Variants in SPTAN1 observed in about 807,000 individuals in gnomAD.
SPTAN1 encodes spectrin alpha, non-erythrocytic 1, also known as spectrin alpha chain, non-erythrocytic 1.
SPTAN1 carries 61 observed loss-of-function variants against 331.3 expected under a neutral mutation model. The ratio of observed to expected loss-of-function variants is 0.18; its 90% CI spans 0.15 to 0.23. SPTAN1 has a LOEUF of 0.23. Ranked by LOEUF, SPTAN1 falls within the 10% of genes least tolerant of loss-of-function variation. The probability of loss-of-function intolerance (pLI) is 1.00; values close to 1 mark genes in which losing one functional copy is unlikely to be tolerated. For synonymous variants in SPTAN1, 1,153 were observed against 1,173.9 expected (o/e 0.98, Z 0.36); for missense variants, 2,043 against 3,147.9 (o/e 0.65, Z 8.40).
Position 128,627,786 on chromosome 9 carries a change from A to T in SPTAN1, c.6690-139A>T. Reference sequence around the variant, plus strand: ...CCCAGCCATGACTTGGTGACAGACGATGCAGGGTCTGTGCGTTGGGTACTG... The same window carrying T: ...CCCAGCCATGACTTGGTGACAGACGTTGCAGGGTCTGTGCGTTGGGTACTG... On this transcript the variant is annotated intron_variant, in intron 50 of 56. Transcript: ENST00000372739. This position sits in a 1 kb window ranked among gnomAD's most constrained non-coding sequence, Gnocchi z 4.9. 1 of 1,115,168 alleles carries T rather than the reference A, an allele frequency of 9.0e-7. No individual in the cohort carries two copies. Among genetic ancestry groups the T allele is most frequent in the Non-Finnish European group, 1.4e-6 (1 of 728,062 alleles). The allele number at this position is 1,115,168 out of a possible 1,614,324, so 69.1% of individuals were successfully genotyped here.
chr9:128,583,190 T>C lies in SPTAN1; in HGVS notation c.1920T>C (p.Asp640=), dbSNP rs1852161050. ...AGAAAGCTGGCCAAAAGCTGATTGA[T>C]GTCAACCACTATGCCAAGGATGAAG... The part of the protein sequence containing the change: ...ALEKAGQKLI[D]VNHYAKDEVA... The change falls in exon 15 of 57, where the codon GAT becomes GAC. Residue 640 remains aspartate, a synonymous_variant. Transcript: ENST00000372739. 6.2e-7 allele frequency: 1 copy of C among 1,614,130 alleles called. No individual in the cohort carries two copies. Among genetic ancestry groups the C allele is most frequent in the African/African-American group, 1.3e-5 (1 of 75,048 alleles).
chr9:128,606,950 C>T (rs1269624580), intron 31 of SPTAN1, among the ~76,000 whole-genome samples: 1 of 152,238 alleles, frequency 6.6e-6, no homozygotes, highest in Non-Finnish European at 1.5e-5. Flanking sequence ...TAACTAATCA[C>T]CCCCTCTTCT....
intron 25 of SPTAN1, chr9:128,598,712 G>A: frequency 1.5e-6 from 1 of 652,944 alleles, no homozygotes; most frequent in African/African-American, 1.8e-5. Context: ...GGGGGGTGGG[G>A]GCTTCTGTCT....
rs779393978 is a variant in SPTAN1, at chr9:128,609,247, C to T, written c.4721C>T (p.Ala1574Val). 6.2e-6 allele frequency: 10 copies of T among 1,614,166 alleles called. No homozygotes were observed. Among genetic ancestry groups the T allele is most frequent in the Non-Finnish European group, 7.6e-6 (9 of 1,180,030 alleles). ...TGGATCAGTGAAAAATTGCAAACAG[C>T]GAGTGATGAGTCGTACAAGGATCCC... ...EAWISEKLQT[A>V]SDESYKDPTN... Residue 1574 changes from alanine (A) to valine (V), a missense_variant, in exon 36 of 57, where the codon GCG (alanine) becomes GTG (valine). Physicochemically the swap from Ala to Val is moderately conservative, Grantham distance 64 (BLOSUM62 0). Transcript: ENST00000372739.
intron 54 of SPTAN1, 29 bp from the exon 55 acceptor site, chr9:128,632,543 G>C: frequency 6.2e-7 from 1 of 1,614,142 alleles, no homozygotes; most frequent in South Asian, 1.1e-5. Context: ...AGGGCTGCCT[G>C]CTGAGCCGCC....
chr9:128,600,972 G>GTTTTTTTTTTTTTTTTTTTTT (rs1474161366), intron 27 of SPTAN1, among the ~76,000 whole-genome samples: 1 of 22,228 alleles, frequency 4.5e-5, no homozygotes, highest in African/African-American at 9.7e-5. Flanking sequence ...CAGGGAGAAA[G>GTTTTTTTTTTTTTTTTTTTTT]TCTTTTTTTT....
intron 1 of SPTAN1, among the ~76,000 whole-genome samples, chr9:128,558,114 A>G (rs1477061604): frequency 2.0e-5 from 3 of 152,040 alleles, no homozygotes; most frequent in Non-Finnish European, 4.4e-5. Context: ...TATATTAGAA[A>G]TTTCTAGCCA....
chr9:128,631,195 C>G (rs930608438), intron 52 of SPTAN1, among the ~76,000 whole-genome samples: 3 of 151,702 alleles, frequency 2.0e-5, no homozygotes, highest in Admixed American at 1.3e-4. Context: ...TGGTGACTTA[C>G]ACCTGTAATC....
intron 17 of SPTAN1, 54 bp from the exon 18 acceptor site, chr9:128,584,667 G>A: frequency 1.9e-6 from 3 of 1,614,204 alleles, no homozygotes; most frequent in Non-Finnish European, 2.5e-6. Context: ...TGACAAATCA[G>A]TGCTGACTTT....
chr9:128,573,114 T>C (rs1850918642), intron 3 of SPTAN1, among the ~76,000 whole-genome samples: 1 of 152,250 alleles, frequency 6.6e-6, no homozygotes, highest in Admixed American at 6.5e-5. Flanking sequence ...CCGCTTTGTT[T>C]GTTTTACTTA....
chr9:128,587,465 G>T, intron 19 of SPTAN1, 141 bp from the exon 20 acceptor site: 1 of 719,900 alleles, frequency 1.4e-6, no homozygotes, highest in Non-Finnish European at 2.6e-6. Flanking sequence ...AATGATATTA[G>T]CACTGTAAGA....
chr9:128,627,660 G>A lies in SPTAN1; in HGVS notation c.6689+162G>A. 1 of 814,146 alleles carries A rather than the reference G, an allele frequency of 1.2e-6. No individual in the cohort carries two copies. The highest frequency in any genetic ancestry group is 1.9e-5 in the Admixed American group (1 of 51,518). 50.4% of individuals were successfully genotyped at this position (814,146 alleles called of 1,614,324 possible). A position where few individuals can be genotyped will look rare whatever the true frequency, so the allele number is the denominator to read the frequency against. The stretch of plus-strand genomic sequence containing the variant: ...GCCTGGTCGGGCTCTGGAGCCGGGA[G>A]TGGGGGCATAGGTGGAGCAGCCTCT... On this transcript the variant is annotated intron_variant, in intron 50 of 56. Transcript: ENST00000372739. This position sits in a 1 kb window ranked among gnomAD's most constrained non-coding sequence, Gnocchi z 4.9.
At position 128,587,613 on chromosome 9, in the gene SPTAN1, T is replaced by A; in HGVS notation, c.2786T>A (p.Leu929Gln). ...GKDEDSAEAL[L>Q]KKHEALMSDL... The stretch of plus-strand genomic sequence containing the variant: ...GTGTGGTTTTGGTTTCAGGCTCTAC[T>A]GAAGAAACACGAAGCTTTGATGTCA... The change falls in exon 20 of 57, where the codon CTG becomes CAG. Residue 929 changes from leucine to glutamine, a missense_variant. Leu to Gln is a moderately radical substitution (Grantham distance 113). This residue lies in a region of SPTAN1 where 1,038 missense variants were observed against 1,531.5 expected (regional missense o/e 0.68). Coordinates refer to ENST00000372739, the MANE Select transcript of SPTAN1 (RefSeq NM_001130438.3). 1 of 1,613,710 alleles carries A rather than the reference T, an allele frequency of 6.2e-7. No individual in the cohort carries two copies. Among genetic ancestry groups the A allele is most frequent in the Non-Finnish European group, 8.5e-7 (1 of 1,179,950 alleles).
rs1315394072 is a variant in SPTAN1 at position 128,612,936 on chromosome 9, AT to A, written c.5044-434del. 2.2e-4 allele frequency among the ~76,000 whole-genome samples: 33 copies of A among 149,844 alleles called. No homozygotes were observed. The South Asian group carries it at 4.4e-3, about 20-fold the overall frequency. ...CGAGACTTCATCTCAAAAAAAAAAA[AT>A]TTTTTTTTTTAATAATTGCGTAAGT... On this transcript the variant is annotated intron_variant, in intron 39 of 56. Coordinates refer to ENST00000372739, the MANE Select transcript of SPTAN1 (RefSeq NM_001130438.3).
intron 9 of SPTAN1, 80 bp downstream of exon 9, chr9:128,578,325 A>T: frequency 1.3e-6 from 2 of 1,574,122 alleles, no homozygotes; most frequent in Non-Finnish European, 1.7e-6. Flanking sequence ...GGTGAGGCCT[A>T]TAGTCGGCGT....
At chr9:128,574,929 A>G in intron 4 of SPTAN1, 114 bp downstream of exon 4, 2 of 1,482,010 alleles carry the variant, frequency 1.3e-6, no homozygotes, top group South Asian at 1.2e-5. Context: ...TTTAAGTAAA[A>G]GGGTGGAAGT....
At position 128,600,066 on chromosome 9, in the gene SPTAN1, CTT is replaced by C; in HGVS notation, c.3544-12_3544-11del. ...CAATTGCTTGGCTGCCTAAATTCCT[CTT>C]TCTTTGAATAGGATGAAACTGATTC... On this transcript the variant is annotated splice_polypyrimidine_tract_variant and intron_variant, in intron 26 of 56. Coordinates refer to ENST00000372739, the MANE Select transcript of SPTAN1 (RefSeq NM_001130438.3). 6.2e-7 allele frequency: 1 copy of C among 1,614,214 alleles called. No homozygotes were observed. Among genetic ancestry groups the C allele is most frequent in the Non-Finnish European group, 8.5e-7 (1 of 1,180,038 alleles).
In SPTAN1 at chr9:128,605,020, T is replaced by C. The variant is rs746369946; in HGVS notation, c.3720-14T>C. The C allele has an allele frequency of 6.2e-7, 1 of 1,614,102 alleles. No homozygotes were observed. Among genetic ancestry groups the C allele is most frequent in the South Asian group, 1.1e-5 (1 of 91,068 alleles). ...TACTTGGCATTTCTTAACCTGAATG[T>C]GTCTCGCCTTTAGAGATGCTGATGA... On this transcript the variant is annotated splice_polypyrimidine_tract_variant and intron_variant, in intron 29 of 56. Transcript: ENST00000372739.
intron 5 of SPTAN1, 94 bp downstream of exon 5, chr9:128,575,439 T>A: frequency 1.4e-6 from 2 of 1,417,860 alleles, no homozygotes; most frequent in South Asian, 2.4e-5. Context: ...TCCCCTAATT[T>A]CTGAGTGAGC....
Sources: gnomAD v4.1 joint callset for allele counts (sites outside exome capture counted in the v4.1 genomes callset) on GRCh38, gnomAD v4.1.1 for gene constraint, gnomAD v4.1.1 regional missense constraint, Gnocchi (gnomAD v3.1) non-coding constraint, MANE v1.5 for transcripts, NCBI Gene and HGNC (gene_info 2026-07-23, HGNC 2026-07-21) for gene names.